AQP9: variants seen among roughly 807,000 people sequenced by gnomAD.
AQP9 encodes the protein aquaporin-9.
A neutral mutation model predicts 23.8 loss-of-function variants in AQP9; 19 were observed. The ratio of observed to expected loss-of-function variants is 0.80; its 90% confidence interval spans 0.56 to 1.17. The LOEUF (loss-of-function observed/expected upper bound fraction) is 1.17, where lower values mean the gene tolerates loss of function less well. Among genes scored for constraint, AQP9 ranks in the 50% most tolerant of loss-of-function variants. The pLI is 0.00. For synonymous variants in AQP9, 153 were observed against 131.5 expected (o/e 1.16, Z -1.12); for missense variants, 413 against 362.0 (o/e 1.14, Z -1.14).
At chr15:58,178,966 C>T (rs1898818396) in intron 4 of AQP9, among the ~76,000 whole-genome samples, 162 bp from the exon 5 acceptor site, 1 of 152,128 alleles carries the variant, frequency 6.6e-6, no homozygotes, top group African/African-American at 2.4e-5. Context: ...GAGAGACTGG[C>T]ACAATTATTC....
Position 58,179,191 on chromosome 15 carries a change from G to A in AQP9, c.559G>A (p.Ala187Thr). The A allele has an allele frequency of 6.2e-7, 1 of 1,613,952 alleles. No individual in the cohort carries two copies. The highest frequency in any genetic ancestry group is 1.3e-5 in the African/African-American group (1 of 75,026). ...CATCTTTGACTCCAGAAACTTGGGA[G>A]CCCCCAGAGGCCTAGAGCCCATTGC... ...FAIFDSRNLG[A>T]PRGLEPIAIG... Residue 187 changes from alanine to threonine, a missense_variant, in exon 5 of 6, where the codon GCC becomes ACC. By Grantham distance (58) the Ala-to-Thr change is moderately conservative (BLOSUM62 0). Coordinates refer to ENST00000219919, the MANE Select transcript of AQP9 (RefSeq NM_020980.5).
At chr15:58,146,785 T>A (rs964436508) in intron 1 of AQP9, 1 of 152,210 alleles carries the variant, frequency 6.6e-6, no homozygotes. Context: ...ATGATTGCTG[T>A]GGAGTGGCAA....
intron 1 of AQP9, chr15:58,153,795 A>G (rs1257413570): frequency 3.3e-5 from 5 of 152,012 alleles, no homozygotes; most frequent in Admixed American, 2.6e-4. Context: ...CACATCATAC[A>G]CCAACGCCTG....
chr15:58,181,473 A>G (rs1466287394), intron 5 of AQP9, among the ~76,000 whole-genome samples: 1 of 152,194 alleles, frequency 6.6e-6, no homozygotes, highest in African/African-American at 2.4e-5. Context: ...TGGGAGTGGA[A>G]GTGGGAACAT....
At position 58,173,179 on chromosome 15, in the gene AQP9, C is replaced by T. The variant is rs747944362; in HGVS notation, c.350C>T (p.Ala117Val). The change falls in exon 3 of 6, where the codon GCT (alanine) becomes GTT (valine). Residue 117 changes from alanine (A) to valine (V), a missense_variant. Coordinates refer to ENST00000219919, the MANE Select transcript of AQP9 (RefSeq NM_020980.5). Reference sequence around the variant, plus strand: ...CAGTTCTTGGGAGCCTTTGTGGGGGCTGCAACCGTCTTTGGCATTTACTAT... The same window carrying T: ...CAGTTCTTGGGAGCCTTTGTGGGGGTTGCAACCGTCTTTGGCATTTACTAT... ...GAQFLGAFVGAATVFGIYYDG... is the reference protein window; with the variant it reads ...GAQFLGAFVGVATVFGIYYDG... 3 of 1,614,010 alleles carry T rather than the reference C, an allele frequency of 1.9e-6. No homozygotes were observed. Among genetic ancestry groups the T allele is most frequent in the African/African-American group, 1.3e-5 (1 of 74,900 alleles).
rs1898962001 is a variant in AQP9 at position 58,184,196 on chromosome 15, A to C, written c.*61A>C. 1.3e-6 allele frequency: 2 copies of C among 1,553,740 alleles called. No homozygotes were observed. The highest frequency in any genetic ancestry group is 1.8e-6 in the Non-Finnish European group (2 of 1,136,754). ...GATTCTCTTCAGAAAGATGGCATCT[A>C]AGTGTCTGTGTTCTTGTAAGCCTGA... is the stretch of plus-strand genomic sequence containing the variant. On this transcript the variant is annotated 3_prime_UTR_variant, in exon 6 of 6. Transcript: ENST00000219919.
intron 4 of AQP9, among the ~76,000 whole-genome samples, chr15:58,178,408 T>A (rs1408731394): frequency 6.6e-6 from 1 of 152,230 alleles, no homozygotes; most frequent in East Asian, 1.9e-4. Context: ...AAAGTGGACA[T>A]TTTAAAATGA....
chr15:58,138,554 A>G lies in AQP9; in HGVS notation c.-12A>G, dbSNP rs776246256. 17 of 1,611,814 alleles carry G rather than the reference A, an allele frequency of 1.1e-5. No individual in the cohort carries two copies. In the East Asian group the frequency reaches 3.8e-4, roughly 36 times the overall value. On this transcript the variant is annotated 5_prime_UTR_variant, in exon 1 of 6. Transcript: ENST00000219919. ...TATTGGTAGAAACAGGAGTCCTCAG[A>G]GAAGCCCCAAGATGCAGCCTGAGGG...
intron 1 of AQP9, chr15:58,150,650 G>T (rs1407410151): frequency 1.3e-5 from 2 of 152,142 alleles, no homozygotes; most frequent in Non-Finnish European, 2.9e-5. Context: ...CTTTACACTA[G>T]CCCTAGTGAC....
intron 1 of AQP9, among the ~76,000 whole-genome samples, chr15:58,161,832 C>T (rs1369289910): frequency 6.6e-6 from 1 of 152,128 alleles, no homozygotes; most frequent in African/African-American, 2.4e-5. Context: ...AAATCTGGCA[C>T]ATATCATTAT....
At chr15:58,161,101 G>A (rs1898372087) in intron 1 of AQP9, among the ~76,000 whole-genome samples, 3 of 152,114 alleles carry the variant, frequency 2.0e-5, no homozygotes, top group Non-Finnish European at 2.9e-5. Context: ...GTGGTGTGTG[G>A]TGCTTCATCT....
chr15:58,183,151 G>A (rs1173179466), intron 5 of AQP9, among the ~76,000 whole-genome samples: 1 of 152,126 alleles, frequency 6.6e-6, no homozygotes, highest in Non-Finnish European at 1.5e-5. Flanking sequence ...CATTTATCCT[G>A]AAGTTTTGTG....
intron 1 of AQP9, among the ~76,000 whole-genome samples, chr15:58,161,954 A>AAT (rs1159385799): frequency 3.9e-5 from 6 of 152,220 alleles, no homozygotes; most frequent in African/African-American, 1.4e-4. Context: ...AATTACATCC[A>AAT]ATATACTAGA....
chr15:58,161,186 T>C (rs1334523025), intron 1 of AQP9, among the ~76,000 whole-genome samples: 1 of 152,066 alleles, frequency 6.6e-6, no homozygotes, highest in African/African-American at 2.4e-5. Context: ...CTCTGCAAGA[T>C]ATGGGAATGA....
Position 58,179,282 on chromosome 15 carries a change from C to T in AQP9, c.650C>T (p.Pro217Leu). The T allele has an allele frequency of 6.2e-7, 1 of 1,614,138 alleles. No individual in the cohort carries two copies. ...CTGAACAGTGGCTGTGCCATGAACC[C>T]AGCTCGAGACCTGAGTCCCAGACTT... is the stretch of plus-strand genomic sequence containing the variant. Reference protein sequence around the residue: ...LGLNSGCAMNPARDLSPRLFT... With the variant: ...LGLNSGCAMNLARDLSPRLFT... Residue 217 changes from proline (P) to leucine (L), a missense_variant, in exon 5 of 6, where the codon CCA becomes CTA. Coordinates refer to ENST00000219919, the MANE Select transcript of AQP9 (RefSeq NM_020980.5).
Position 58,175,279 on chromosome 15 carries a change from A to C in AQP9, c.495+243A>C, listed in dbSNP as rs537925291. On this transcript the variant is annotated intron_variant, in intron 4 of 5. Transcript: ENST00000219919. ...TGTTTAACATTAGTTGAGATCCAGAAAAGAGTGAATGACTAAACATTTCAA... is the reference window on the plus strand; with the variant it reads ...TGTTTAACATTAGTTGAGATCCAGACAAGAGTGAATGACTAAACATTTCAA... 1.1e-4 allele frequency among the ~76,000 whole-genome samples: 16 copies of C among 152,368 alleles called. No individual in the cohort carries two copies. The East Asian group carries it at 3.1e-3, about 29-fold the overall frequency.
Position 58,184,272 on chromosome 15 carries a change from A to G in AQP9, c.*137A>G. ...CTAGCCATATGGGACATCTAATTGG[A>G]AAAGCATCTGCATAAAAGTTTGGAA... On this transcript the variant is annotated 3_prime_UTR_variant, in exon 6 of 6. Coordinates refer to ENST00000219919, the MANE Select transcript of AQP9 (RefSeq NM_020980.5). The G allele has an allele frequency of 1.2e-6, 1 of 866,272 alleles. No homozygotes were observed. The highest frequency in any genetic ancestry group is 1.7e-6 in the Non-Finnish European group (1 of 571,578). The allele number at this position is 866,272 out of a possible 1,614,324, so 53.7% of individuals were successfully genotyped here. A position where few individuals can be genotyped will look rare whatever the true frequency, so the allele number is the denominator to read the frequency against.
chr15:58,149,093 AAACT>A (rs1428857714), intron 1 of AQP9, among the ~76,000 whole-genome samples: 46 of 152,278 alleles, frequency 3.0e-4, no homozygotes, highest in African/African-American at 1.0e-3. Flanking sequence ...TGCAATTGGA[AAACT>A]AACTGACAGG....
intron 1 of AQP9, among the ~76,000 whole-genome samples, chr15:58,159,270 C>T (rs1381354930): frequency 6.6e-6 from 1 of 152,074 alleles, no homozygotes; most frequent in Non-Finnish European, 1.5e-5. Flanking sequence ...ATATCCTACC[C>T]CCAAATTAAG....
Sources: gnomAD v4.1 joint callset for allele counts (sites outside exome capture counted in the v4.1 genomes callset) on GRCh38, gnomAD v4.1.1 for gene constraint, MANE v1.5 for transcripts, NCBI Gene and HGNC (gene_info 2026-07-23, HGNC 2026-07-21) for gene names.